SLC20A2: variants seen among roughly 807,000 people sequenced by gnomAD.
SLC20A2 encodes sodium-dependent phosphate transporter 2.
In SLC20A2, 30 loss-of-function variants were observed where a neutral mutation model predicts 61.0. The observed-to-expected ratio is 0.49, with a 90% CI of 0.37 to 0.67. The LOEUF (loss-of-function observed/expected upper bound fraction) is 0.67, where lower values mean the gene tolerates loss of function less well. Ranked by LOEUF, SLC20A2 falls within the 30% of genes least tolerant of loss-of-function variation. The probability of loss-of-function intolerance (pLI) is 0.00; values close to 1 mark genes in which losing one functional copy is unlikely to be tolerated. For missense variants in SLC20A2, 626 were observed against 866.4 expected, an observed-to-expected ratio of 0.72 and a Z score of 3.48; for synonymous variants, 351 against 353.3, an observed-to-expected ratio of 0.99 and a Z score of 0.07.
intron 1 of SLC20A2, among the ~76,000 whole-genome samples, chr8:42,528,839 G>C (rs1431947416): frequency 6.6e-6 from 1 of 151,688 alleles, no homozygotes; most frequent in Non-Finnish European, 1.5e-5. Context: ...ACTAATTTTT[G>C]TATTTTTAGT....
At chr8:42,420,201 T>A (rs944488223) in intron 10 of SLC20A2, among the ~76,000 whole-genome samples, 1 of 151,420 alleles carries the variant, frequency 6.6e-6, no homozygotes, top group Non-Finnish European at 1.5e-5. Context: ...AAAAAAAAAA[T>A]TGTCTCTTCA....
chr8:42,528,061 C>T (rs1048430016), intron 1 of SLC20A2, among the ~76,000 whole-genome samples: 1 of 152,156 alleles, frequency 6.6e-6, no homozygotes, highest in African/African-American at 2.4e-5. Context: ...ACTGATTGCT[C>T]TTAACACTGA....
At chr8:42,510,582 C>T (rs1193263822) in intron 1 of SLC20A2, among the ~76,000 whole-genome samples, 7 of 152,154 alleles carry the variant, frequency 4.6e-5, no homozygotes, top group African/African-American at 1.2e-4. Context: ...TTCAAAAGCA[C>T]TTAAGGGTCT....
chr8:42,450,273 G>A (rs930493498), intron 5 of SLC20A2, among the ~76,000 whole-genome samples: 3 of 151,530 alleles, frequency 2.0e-5, no homozygotes, highest in African/African-American at 7.3e-5. Flanking sequence ...TATTGCCCAG[G>A]CTGGAGTAAA....
chr8:42,529,255 T>C (rs1247225236), intron 1 of SLC20A2, among the ~76,000 whole-genome samples: 1 of 152,122 alleles, frequency 6.6e-6, no homozygotes, highest in Non-Finnish European at 1.5e-5. Context: ...ATGTGTGAGC[T>C]ACCTCACCTG....
At chr8:42,503,806 A>G (rs1047067040), upstream of SLC20A2, among the ~76,000 whole-genome samples, 1 of 152,188 alleles carries the variant, frequency 6.6e-6, no homozygotes, top group Admixed American at 6.5e-5. Flanking sequence ...CTTTTCTACA[A>G]CATGTACTAA....
chr8:42,512,354 T>TC, intron 1 of SLC20A2, among the ~76,000 whole-genome samples: 1 of 150,920 alleles, frequency 6.6e-6, no homozygotes. Context: ...CTTGAAAAAC[T>TC]CTTTTTTTTT....
At chr8:42,530,172 A>G (rs1812233378) in intron 1 of SLC20A2, among the ~76,000 whole-genome samples, 1 of 152,210 alleles carries the variant, frequency 6.6e-6, no homozygotes, top group Admixed American at 6.5e-5. Context: ...ATCAGATGGT[A>G]TACAGGCCAG....
At chr8:42,507,740 T>A (rs563688933) in intron 1 of SLC20A2, among the ~76,000 whole-genome samples, 2 of 152,348 alleles carry the variant, frequency 1.3e-5, no homozygotes, top group East Asian at 3.9e-4. Flanking sequence ...CATAATGTGA[T>A]GAGTCATGAC....
At chr8:42,475,558 C>T (rs977605021) in intron 1 of SLC20A2, among the ~76,000 whole-genome samples, 5 of 151,892 alleles carry the variant, frequency 3.3e-5, no homozygotes, top group South Asian at 4.1e-4. Context: ...TACAGGCACC[C>T]GCCATCATGC....
chr8:42,541,755 C>T (rs1039234424), intron 1 of SLC20A2: 2 of 149,272 alleles, frequency 1.3e-5, no homozygotes, highest in Admixed American at 1.3e-4. Flanking sequence ...GGGGCCGCGT[C>T]ACCCGGCCCC....
intron 8 of SLC20A2, among the ~76,000 whole-genome samples, chr8:42,436,734 C>A (rs141855022): frequency 1.3e-5 from 2 of 152,360 alleles, no homozygotes; most frequent in East Asian, 3.9e-4. Flanking sequence ...CCGGCCAGCC[C>A]TTCCCTGGAA....
At chr8:42,464,867 C>T (rs1275520533) in intron 3 of SLC20A2, among the ~76,000 whole-genome samples, 6 of 151,788 alleles carry the variant, frequency 4.0e-5, no homozygotes, top group East Asian at 2.0e-4. Context: ...CCTAGCTACT[C>T]GGGAGGCTGA....
At chr8:42,440,084 CAA>C (rs549433459) in intron 6 of SLC20A2, among the ~76,000 whole-genome samples, 11 of 103,026 alleles carry the variant, frequency 1.1e-4, no homozygotes, top group Non-Finnish European at 8.0e-5. Flanking sequence ...GACTCTGTCT[CAA>C]AAAAAAAAAA....
At position 42,521,718 on chromosome 8, in the gene SLC20A2, G is replaced by A. The variant is rs1325980321; in HGVS notation, c.-265+20103C>T. On this transcript the variant is annotated intron_variant, in intron 1 of 10. Coordinates refer to the SLC20A2 transcript ENST00000342228. ...TTGCCCAGACTGGTCTCAAACTCCTGGGCTCAAGCGATCCTCCTGCCTCAG... is the reference window on the plus strand; with the variant it reads ...TTGCCCAGACTGGTCTCAAACTCCTAGGCTCAAGCGATCCTCCTGCCTCAG... 1.7e-5 allele frequency among the ~76,000 whole-genome samples: 2 copies of A among 120,690 alleles called. 1 individual carries two copies. Among genetic ancestry groups the A allele is most frequent in the Non-Finnish European group, 4.0e-5 (2 of 50,330 alleles). The allele number at this position is 120,690 out of a possible 152,430, so 79.2% of individuals were successfully genotyped here.
At chr8:42,511,065 A>G (rs1811005142) in intron 1 of SLC20A2, among the ~76,000 whole-genome samples, 8 of 152,084 alleles carry the variant, frequency 5.3e-5, no homozygotes, top group Admixed American at 4.6e-4. Context: ...CTTGCAGGGT[A>G]TGCCTGAAAG....
intron 1 of SLC20A2, among the ~76,000 whole-genome samples, chr8:42,485,877 C>T (rs1183378553): frequency 6.7e-5 from 10 of 149,576 alleles, no homozygotes; most frequent in Admixed American, 4.0e-4. Context: ...ACCCGGGAGG[C>T]GGAGGTTGCA....
At chr8:42,476,989 CA>C (rs1428278800) in intron 1 of SLC20A2, among the ~76,000 whole-genome samples, 2 of 150,886 alleles carry the variant, frequency 1.3e-5, no homozygotes, top group Non-Finnish European at 2.9e-5. Flanking sequence ...CATGTAAACG[CA>C]AAGGCCAAAG....
chr8:42,538,835 CA>C, intron 1 of SLC20A2, among the ~76,000 whole-genome samples: 1 of 152,266 alleles, frequency 6.6e-6, no homozygotes, highest in Middle Eastern at 3.4e-3. Flanking sequence ...ACAGAAATTC[CA>C]AAATTTTTTC....
Sources: allele counts gnomAD v4.1 joint callset (sites outside exome capture counted in the v4.1 genomes callset), GRCh38; gene constraint gnomAD v4.1.1; transcripts MANE v1.5; gene names NCBI Gene and HGNC (gene_info 2026-07-23, HGNC 2026-07-21).